The following THADA variants were observed in gnomAD, a reference collection of about 807,000 sequenced individuals.
THADA encodes the protein THADA armadillo repeat containing, also known as tRNA (32-2'-O)-methyltransferase regulator THADA.
In THADA, 213 loss-of-function variants were observed where a neutral mutation model predicts 219.8. That is an observed-to-expected ratio of 0.97 (90% CI 0.87 to 1.09). The LOEUF (loss-of-function observed/expected upper bound fraction) is 1.09, where lower values mean the gene tolerates loss of function less well. Among genes scored for constraint, THADA ranks in the 50% least tolerant of loss-of-function variants. THADA has a pLI of 0.00. For synonymous variants in THADA, 1,018 were observed against 828.9 expected (o/e 1.23, Z -3.92); for missense variants, 2,956 against 2,311.3 (o/e 1.28, Z -5.72).
At chr2:43,477,083 T>G (rs1398176910) in intron 26 of THADA, among the ~76,000 whole-genome samples, 2 of 152,220 alleles carry the variant, frequency 1.3e-5, no homozygotes, top group Non-Finnish European at 2.9e-5. Flanking sequence ...TCCTTTCTGT[T>G]GCTGCCAAGA....
chr2:43,533,493 T>C (rs1451105248), intron 21 of THADA, among the ~76,000 whole-genome samples: 3 of 152,168 alleles, frequency 2.0e-5, no homozygotes, highest in African/African-American at 4.8e-5. Flanking sequence ...CCAACCCAAA[T>C]GCCCATCAAT....
At chr2:43,312,763 G>A (rs1677659701) in intron 31 of THADA, among the ~76,000 whole-genome samples, 1 of 146,194 alleles carries the variant, frequency 6.8e-6, no homozygotes, top group African/African-American at 2.5e-5. Flanking sequence ...CATAGCTATA[G>A]GCCCAGAAAT....
At chr2:43,539,297 G>T (rs1574148297) in intron 21 of THADA, among the ~76,000 whole-genome samples, 2 of 152,186 alleles carry the variant, frequency 1.3e-5, no homozygotes, top group Non-Finnish European at 2.9e-5. Flanking sequence ...CTCAGGTGTG[G>T]CCCAGCCATT....
chr2:43,342,710 T>C (rs1317252325), intron 30 of THADA, among the ~76,000 whole-genome samples: 1 of 152,218 alleles, frequency 6.6e-6, no homozygotes, highest in Non-Finnish European at 1.5e-5. Flanking sequence ...ATATACCAGA[T>C]GAAAATTATT....
chr2:43,505,079 C>G (rs558983384), intron 24 of THADA, among the ~76,000 whole-genome samples: 1 of 152,204 alleles, frequency 6.6e-6, no homozygotes, highest in Admixed American at 6.5e-5. Flanking sequence ...AATATGAACA[C>G]CCCAAAAGGT....
intron 29 of THADA, among the ~76,000 whole-genome samples, chr2:43,376,152 G>A (rs1671358404): frequency 6.6e-6 from 1 of 152,168 alleles, no homozygotes; most frequent in African/African-American, 2.4e-5. Flanking sequence ...TTTATTAGGT[G>A]TATATAAAGA....
At chr2:43,306,762 G>C (rs1194128349) in intron 31 of THADA, among the ~76,000 whole-genome samples, 2 of 152,222 alleles carry the variant, frequency 1.3e-5, no homozygotes, top group African/African-American at 2.4e-5. Context: ...CATGGAGAGA[G>C]GAGTTAGGTT....
intron 28 of THADA, among the ~76,000 whole-genome samples, chr2:43,417,031 T>C (rs1449398293): frequency 1.4e-5 from 2 of 145,226 alleles, no homozygotes; most frequent in African/African-American, 5.2e-5. Flanking sequence ...TCCTCATGGC[T>C]GTTTTCTTTT....
intron 31 of THADA, among the ~76,000 whole-genome samples, chr2:43,306,406 C>A (rs1379722733): frequency 1.3e-5 from 2 of 152,180 alleles, no homozygotes; most frequent in Non-Finnish European, 2.9e-5. Context: ...CTCTAACTCA[C>A]AAAGGACCTG....
chr2:43,394,275 T>C (rs1673757156), intron 29 of THADA, among the ~76,000 whole-genome samples: 1 of 152,240 alleles, frequency 6.6e-6, no homozygotes, highest in Non-Finnish European at 1.5e-5. Flanking sequence ...CATGTTCTTT[T>C]TTGCATGTGC....
chr2:43,424,112 T>C (rs574125612), intron 28 of THADA, among the ~76,000 whole-genome samples: 2 of 152,206 alleles, frequency 1.3e-5, no homozygotes, highest in South Asian at 2.1e-4. Flanking sequence ...CATTATAAGT[T>C]CTGTCCCAAG....
chr2:43,526,962 T>G (rs1693243580), intron 22 of THADA, among the ~76,000 whole-genome samples: 1 of 152,150 alleles, frequency 6.6e-6, no homozygotes, highest in Admixed American at 6.5e-5. Flanking sequence ...AACAAAAAGT[T>G]GAAAAGATAA....
intron 28 of THADA, among the ~76,000 whole-genome samples, chr2:43,424,976 G>C (rs1397665690): frequency 6.6e-6 from 1 of 152,182 alleles, no homozygotes; most frequent in Non-Finnish European, 1.5e-5. Context: ...CCTGTACTCA[G>C]ATACAGCAGC....
chr2:43,364,020 G>C (rs551638392), intron 29 of THADA, among the ~76,000 whole-genome samples: 1 of 152,214 alleles, frequency 6.6e-6, no homozygotes, highest in African/African-American at 2.4e-5. Context: ...TCACAAGTTG[G>C]AGACCAGCCT....
chr2:43,516,858 C>T (rs1691790855), intron 22 of THADA, among the ~76,000 whole-genome samples: 1 of 152,066 alleles, frequency 6.6e-6, no homozygotes, highest in African/African-American at 2.4e-5. Context: ...GGTTGCTTTG[C>T]ACTATGCTAT....
At chr2:43,524,471 GC>G (rs747980525) in intron 22 of THADA, among the ~76,000 whole-genome samples, 1 of 152,116 alleles carries the variant, frequency 6.6e-6, no homozygotes, top group Admixed American at 6.5e-5. Context: ...CCAGCAGTTG[GC>G]CTCCATTTCT....
chr2:43,533,058 C>A (rs1694093694), intron 21 of THADA, among the ~76,000 whole-genome samples: 1 of 152,116 alleles, frequency 6.6e-6, no homozygotes, highest in South Asian at 2.1e-4. Context: ...AAACAAACCA[C>A]CCCATCAAAA....
chr2:43,324,512 G>A (rs1186833274), intron 30 of THADA, among the ~76,000 whole-genome samples: 4 of 152,340 alleles, frequency 2.6e-5, no homozygotes, highest in East Asian at 1.9e-4. Flanking sequence ...ATTCCAGCCC[G>A]GAGCCCACTG....
chr2:43,574,106 A>G (rs1396554664), intron 11 of THADA, among the ~76,000 whole-genome samples: 1 of 152,230 alleles, frequency 6.6e-6, no homozygotes, highest in Non-Finnish European at 1.5e-5. Context: ...AGGAAAGTTT[A>G]TCATTTTAAG....
Sources: gnomAD v4.1 joint callset for allele counts (sites outside exome capture counted in the v4.1 genomes callset) on GRCh38, gnomAD v4.1.1 for gene constraint, MANE v1.5 for transcripts, NCBI Gene and HGNC (gene_info 2026-07-23, HGNC 2026-07-21) for gene names.